Variants in MECOM observed in about 807,000 individuals in gnomAD.
The protein encoded by MECOM is histone-lysine N-methyltransferase MECOM.
MECOM carries 13 observed loss-of-function variants against 116.3 expected under a neutral mutation model. That is an observed-to-expected ratio of 0.11 (90% CI 0.07 to 0.18). The LOEUF is 0.18. MECOM is among the 10% of genes least tolerant of loss of function. The pLI, the probability that MECOM is intolerant of heterozygous loss-of-function variation, is 1.00. For missense variants in MECOM, 1,299 were observed against 1,509.0 expected, an observed-to-expected ratio of 0.86 and a Z score of 2.31; for synonymous variants, 528 against 535.2, an observed-to-expected ratio of 0.99 and a Z score of 0.19.
intron 1 of MECOM, among the ~76,000 whole-genome samples, chr3:169,383,861 T>G (rs538562378): frequency 3.7e-4 from 57 of 152,192 alleles, no homozygotes; most frequent in Non-Finnish European, 6.3e-4. Flanking sequence ...TCCTCTGAGC[T>G]CAGTGAGTAT....
intron 1 of MECOM, among the ~76,000 whole-genome samples, chr3:169,661,266 G>C (rs1271790184): frequency 6.6e-6 from 1 of 151,746 alleles, no homozygotes; most frequent in Non-Finnish European, 1.5e-5. Context: ...TGGTTGAAAA[G>C]GGCTACCCAC....
chr3:169,381,136 T>G, intron 2 of MECOM, 51 bp downstream of exon 2: 2 of 1,487,618 alleles, frequency 1.3e-6, no homozygotes, highest in Non-Finnish European at 1.8e-6. Context: ...AACAATCTCT[T>G]CTTTACACAG....
chr3:169,251,435 TTTG>T (rs1203573620), intron 2 of MECOM, among the ~76,000 whole-genome samples: 2 of 152,204 alleles, frequency 1.3e-5, no homozygotes, highest in African/African-American at 4.8e-5. Flanking sequence ...TGAACAAATC[TTTG>T]TTTAGTTATC....
intron 1 of MECOM, chr3:169,477,105 GTATATATATATATATATATA>G (rs1166256593): frequency 1.7e-4 from 10 of 59,546 alleles, no homozygotes; most frequent in Non-Finnish European, 2.9e-4. Flanking sequence ...GTGTGTGTGT[GTATATATATATATATATATA>G]TATATATATA....
intron 14 of MECOM, among the ~76,000 whole-genome samples, chr3:169,090,509 A>G (rs1306067749): frequency 6.6e-6 from 1 of 152,076 alleles, no homozygotes; most frequent in Non-Finnish European, 1.5e-5. Flanking sequence ...TTCTTATCAG[A>G]CTTTGCTTGA....
intron 1 of MECOM, among the ~76,000 whole-genome samples, chr3:169,548,883 C>G (rs1415003466): frequency 6.6e-6 from 1 of 151,654 alleles, no homozygotes; most frequent in African/African-American, 2.4e-5. Context: ...CTCCTTCTTA[C>G]AAATGTGGTA....
At chr3:169,156,376 T>C (rs1311101886) in intron 2 of MECOM, among the ~76,000 whole-genome samples, 2 of 152,226 alleles carry the variant, frequency 1.3e-5, no homozygotes, top group African/African-American at 4.8e-5. Flanking sequence ...TAAAGTTTTA[T>C]ATTACTTTGT....
intron 2 of MECOM, among the ~76,000 whole-genome samples, chr3:169,349,062 C>G (rs574496637): frequency 6.6e-6 from 1 of 151,198 alleles, no homozygotes; most frequent in Admixed American, 6.6e-5. Flanking sequence ...ATTCCCCTCC[C>G]TCTCATCCTC....
intron 1 of MECOM, among the ~76,000 whole-genome samples, chr3:169,602,492 G>A (rs1577067798): frequency 6.6e-6 from 1 of 152,206 alleles, no homozygotes; most frequent in Non-Finnish European, 1.5e-5. Flanking sequence ...TTTGGCCCAG[G>A]CGATTCTTTG....
chr3:169,127,473 TA>T (rs1000460247), intron 5 of MECOM, among the ~76,000 whole-genome samples: 3 of 152,140 alleles, frequency 2.0e-5, no homozygotes, highest in Admixed American at 2.0e-4. Flanking sequence ...TCTAGTCCTT[TA>T]AAAAATCATC....
chr3:169,525,799 C>G (rs928215584), intron 1 of MECOM, among the ~76,000 whole-genome samples: 2 of 152,210 alleles, frequency 1.3e-5, no homozygotes, highest in South Asian at 4.1e-4. Flanking sequence ...GAGGCCGAGG[C>G]GGGTGGATCG....
intron 1 of MECOM, among the ~76,000 whole-genome samples, chr3:169,649,502 G>T (rs1346325577): frequency 6.6e-6 from 1 of 151,254 alleles, no homozygotes; most frequent in Non-Finnish European, 1.5e-5. Context: ...CCAGTTTGTA[G>T]TCATGGATAT....
intron 2 of MECOM, among the ~76,000 whole-genome samples, chr3:169,219,905 GT>G (rs1272317202): frequency 6.7e-6 from 1 of 148,346 alleles, no homozygotes; most frequent in South Asian, 2.1e-4. Context: ...ATCTCATTAA[GT>G]TTTTTTAAAG....
In MECOM at chr3:169,480,322, G is replaced by T. The variant is rs1341279723; in HGVS notation, c.38-98798C>A. Among the ~76,000 whole-genome samples the T allele has an allele frequency of 3.9e-5, 6 of 151,912 alleles. No individual in the cohort carries two copies. In the East Asian group the frequency reaches 1.2e-3, roughly 29 times the overall value. On this transcript the variant is annotated intron_variant, in intron 1 of 16. Coordinates refer to ENST00000651503, the MANE Select transcript of MECOM (RefSeq NM_004991.4). Reference sequence around the variant, plus strand: ...TAGCTTGCCTTCAACACTGCAATCTGAGTTCTTCAAGTACTACTGGAGTAC... The same window carrying T: ...TAGCTTGCCTTCAACACTGCAATCTTAGTTCTTCAAGTACTACTGGAGTAC...
At chr3:169,268,913 C>T (rs947802125) in intron 2 of MECOM, among the ~76,000 whole-genome samples, 14 of 151,924 alleles carry the variant, frequency 9.2e-5, no homozygotes, top group Non-Finnish European at 1.2e-4. Flanking sequence ...GAGGGGTGGG[C>T]GGAAGACACA....
At chr3:169,260,437 G>A (rs1757399059) in intron 2 of MECOM, among the ~76,000 whole-genome samples, 1 of 151,396 alleles carries the variant, frequency 6.6e-6, no homozygotes, top group Non-Finnish European at 1.5e-5. Context: ...TCTCTAAGGA[G>A]CATATGTTGG....
chr3:169,272,505 G>GA (rs1309361264), intron 2 of MECOM, among the ~76,000 whole-genome samples: 2 of 151,784 alleles, frequency 1.3e-5, no homozygotes, highest in East Asian at 1.9e-4. Context: ...CCTGGTCATA[G>GA]AAAAAAAATT....
Position 169,285,675 on chromosome 3 carries a change from G to A in MECOM, c.375+95512C>T, listed in dbSNP as rs1304587076. Among the ~76,000 whole-genome samples, 5 of 152,180 alleles carry A rather than the reference G, an allele frequency of 3.3e-5. 1 individual carries two copies. Among genetic ancestry groups the A allele is most frequent in the South Asian group, 4.1e-4 (2 of 4,830 alleles). ...AAAATATTCTGATTAGTTAAGATAA[G>A]ATGTACTCTCATTTTCCTGAGAGTT... On this transcript the variant is annotated intron_variant, in intron 2 of 16. Transcript: ENST00000651503.
chr3:169,177,507 C>A (rs1190462639), intron 2 of MECOM, among the ~76,000 whole-genome samples: 3 of 151,924 alleles, frequency 2.0e-5, no homozygotes, highest in African/African-American at 7.3e-5. Context: ...GAGGACAGGT[C>A]AATAGGTGCA....
Sources: allele counts gnomAD v4.1 joint callset (sites outside exome capture counted in the v4.1 genomes callset), GRCh38; gene constraint gnomAD v4.1.1; transcripts MANE v1.5; gene names NCBI Gene and HGNC (gene_info 2026-07-23, HGNC 2026-07-21).